Variants in C19orf38 observed in about 807,000 individuals in gnomAD.
C19orf38 encodes chromosome 19 open reading frame 38, also known as protein HIDE1.
C19orf38 carries 14 observed loss-of-function variants against 26.6 expected under a neutral mutation model. That is an observed-to-expected ratio of 0.53 (90% CI 0.35 to 0.82). C19orf38 has a LOEUF of 0.82. Among genes scored for constraint, C19orf38 ranks in the 40% least tolerant of loss-of-function variants. The probability of loss-of-function intolerance (pLI) is 0.01; values close to 1 mark genes in which losing one functional copy is unlikely to be tolerated. For missense variants in C19orf38, 261 were observed against 299.5 expected (o/e 0.87, Z 0.95); for synonymous variants, 132 against 128.5 (o/e 1.03, Z -0.18).
chr19:10,856,419 G>A (rs1426609352), intron 3 of C19orf38, 62 bp downstream of exon 3: 7 of 1,344,702 alleles, frequency 5.2e-6, no homozygotes, highest in East Asian at 2.5e-5. Flanking sequence ...ACGTGAAGAT[G>A]TGCTTACACT....
At chr19:10,857,260 G>GTA (rs1283893583) in intron 3 of C19orf38, among the ~76,000 whole-genome samples, 1 of 146,210 alleles carries the variant, frequency 6.8e-6, no homozygotes, top group African/African-American at 2.6e-5. Context: ...TTGTGTGTGT[G>GTA]TGTATGTGTG....
intron 4 of C19orf38, among the ~76,000 whole-genome samples, chr19:10,858,575 T>C (rs1055918650): frequency 2.6e-5 from 4 of 152,136 alleles, no homozygotes; most frequent in Non-Finnish European, 1.5e-5. Flanking sequence ...GCACCATGAA[T>C]AGCCCTATTT....
intron 2 of C19orf38, among the ~76,000 whole-genome samples, chr19:10,852,305 A>G (rs1448683227): frequency 1.3e-5 from 2 of 152,166 alleles, no homozygotes; most frequent in African/African-American, 4.8e-5. Flanking sequence ...ATGGACCAAG[A>G]ACTGTCTTTG....
rs956945068 is a variant in C19orf38, at chr19:10,850,255, G to A, written c.32-4G>A. 7 of 1,548,680 alleles carry A rather than the reference G, an allele frequency of 4.5e-6. No homozygotes were observed. Among genetic ancestry groups the A allele is most frequent in the Admixed American group, 3.9e-5 (2 of 50,760 alleles). The stretch of plus-strand genomic sequence containing the variant: ...ACCCACCCACCTTACCCTCTGCATT[G>A]CAGGCTCCTTGGCGATCCCAGCACC... On this transcript the variant is annotated splice_region_variant and splice_polypyrimidine_tract_variant and intron_variant, in intron 1 of 6. Coordinates refer to ENST00000397820, the MANE Select transcript of C19orf38 (RefSeq NM_001136482.3).
intron 3 of C19orf38, among the ~76,000 whole-genome samples, chr19:10,857,996 G>A (rs896034190): frequency 1.3e-5 from 2 of 151,770 alleles, no homozygotes; most frequent in Non-Finnish European, 2.9e-5. Context: ...TTGAAAGGCC[G>A]AGGCAAGTGG....
intron 5 of C19orf38, 64 bp downstream of exon 5, chr19:10,860,022 C>T (rs1655463320): frequency 6.9e-7 from 1 of 1,454,012 alleles, no homozygotes; most frequent in Non-Finnish European, 9.5e-7. Context: ...GCCATCAGGC[C>T]TCATCACACA....
intron 1 of C19orf38, among the ~76,000 whole-genome samples, chr19:10,843,250 C>T (rs1317426179): frequency 1.3e-5 from 2 of 152,194 alleles, no homozygotes; most frequent in Admixed American, 6.5e-5. Flanking sequence ...GAGGAAAGCA[C>T]GCCAAATAGA....
intron 2 of C19orf38, among the ~76,000 whole-genome samples, chr19:10,855,030 C>CTTTTTTT (rs33999724): frequency 5.1e-5 from 4 of 77,750 alleles, no homozygotes; most frequent in Admixed American, 1.6e-4. Flanking sequence ...GATATATATT[C>CTTTTTTT]TTTTTTTTTT....
intron 6 of C19orf38, among the ~76,000 whole-genome samples, chr19:10,868,328 G>A (rs1317423402): frequency 6.6e-6 from 1 of 152,148 alleles, no homozygotes; most frequent in African/African-American, 2.4e-5. Context: ...CAGCTTGGGA[G>A]GGACAGGACT....
chr19:10,863,607 G>A (rs1038874466), intron 6 of C19orf38, among the ~76,000 whole-genome samples: 7 of 152,110 alleles, frequency 4.6e-5, no homozygotes, highest in Middle Eastern at 3.2e-3. Context: ...GGCTGTGGTC[G>A]GTCCCCTCTG....
At chr19:10,855,529 TTTTG>T (rs1246901486) in intron 2 of C19orf38, among the ~76,000 whole-genome samples, 3 of 152,036 alleles carry the variant, frequency 2.0e-5, no homozygotes, top group East Asian at 1.9e-4. Context: ...TTGTTTTTTG[TTTTG>T]TTTGTTTCTT....
chr19:10,867,481 G>A (rs2073763347), intron 6 of C19orf38, among the ~76,000 whole-genome samples: 1 of 149,936 alleles, frequency 6.7e-6, no homozygotes, highest in Non-Finnish European at 1.5e-5. Context: ...AGCCGGGCAT[G>A]GTGGCACATG....
intron 6 of C19orf38, among the ~76,000 whole-genome samples, chr19:10,865,027 T>C (rs1365267477): frequency 6.6e-6 from 1 of 152,078 alleles, no homozygotes; most frequent in Non-Finnish European, 1.5e-5. Context: ...CCAGAATAAA[T>C]CCTGAGGCCA....
intron 6 of C19orf38, among the ~76,000 whole-genome samples, chr19:10,865,002 C>G (rs2073738142): frequency 6.6e-6 from 1 of 152,174 alleles, no homozygotes; most frequent in African/African-American, 2.4e-5. Context: ...GTGCAGCCCT[C>G]TGAGGTCTCT....
At chr19:10,848,331 G>A, upstream of C19orf38, 2 of 630,306 alleles carry the variant, frequency 3.2e-6, no homozygotes, top group Non-Finnish European at 5.7e-6. Flanking sequence ...GTGGGGAGGG[G>A]AGAGAGTCCC....
chr19:10,850,465 A>G lies in C19orf38; in HGVS notation c.238A>G (p.Lys80Glu), dbSNP rs1232956619. The G allele has an allele frequency of 6.4e-7, 1 of 1,551,442 alleles. No individual in the cohort carries two copies. Among genetic ancestry groups the G allele is most frequent in the African/African-American group, 1.4e-5 (1 of 73,040 alleles). ...VTFNLSGGSSKAPGGPFHCQY... is the reference protein window; with the variant it reads ...VTFNLSGGSSEAPGGPFHCQY... ...ATTTAACCTGAGCGGCGGCAGCAGC[A>G]AGGCTCCAGGGGGACCCTTCCACTG... Residue 80 changes from lysine (K) to glutamate (E), a missense_variant, in exon 2 of 7, where the codon AAG (lysine) becomes GAG (glutamate). By Grantham distance (56) the Lys-to-Glu change is moderately conservative. Transcript: ENST00000397820.
In C19orf38 at chr19:10,850,362, G is replaced by A. The variant is rs1213639769; in HGVS notation, c.135G>A (p.Pro45=). The change falls in exon 2 of 7, where the codon CCG becomes CCA. Residue 45 remains proline, a synonymous_variant. Coordinates refer to ENST00000397820, the MANE Select transcript of C19orf38 (RefSeq NM_001136482.3). The part of the protein sequence containing the change: ...HIACMAPGNF[P]GANFTLYRGG... ...CATGCATGGCCCCTGGGAACTTCCC[G>A]GGGGCGAATTTCACACTGTATCGAG... 2.3e-5 allele frequency: 35 copies of A among 1,550,968 alleles called. No homozygotes were observed. Among genetic ancestry groups the A allele is most frequent in the East Asian group, 7.3e-5 (3 of 40,924 alleles).
At chr19:10,859,871 G>C in intron 4 of C19orf38, 44 bp from the exon 5 acceptor site, 3 of 1,537,584 alleles carry the variant, frequency 2.0e-6, no homozygotes, top group Non-Finnish European at 2.6e-6. Context: ...CTGACTCAAG[G>C]GGCAACCCTG....
chr19:10,838,628 CA>C (rs1461367171), intron 1 of C19orf38, among the ~76,000 whole-genome samples: 11 of 152,142 alleles, frequency 7.2e-5, no homozygotes, highest in South Asian at 4.1e-4. Context: ...CCAGGACACA[CA>C]AAAGAATGAG....
Sources: allele counts gnomAD v4.1 joint callset (sites outside exome capture counted in the v4.1 genomes callset), GRCh38; gene constraint gnomAD v4.1.1; transcripts MANE v1.5; gene names NCBI Gene and HGNC (gene_info 2026-07-23, HGNC 2026-07-21).